Variants in LRTM1 observed in about 807,000 individuals in gnomAD.
LRTM1 encodes leucine rich repeat transmembrane protein 1, also known as leucine-rich repeat and transmembrane domain-containing protein 1.
A neutral mutation model predicts 32.4 loss-of-function variants in LRTM1; 38 were observed. The observed-to-expected ratio is 1.17, with a 90% CI of 0.91 to 1.54. The LOEUF is 1.54. Among genes scored for constraint, LRTM1 ranks in the 40% most tolerant of loss-of-function variants. LRTM1 has a pLI of 0.00. For synonymous variants in LRTM1, 186 were observed against 169.9 expected (o/e 1.09, Z -0.74); for missense variants, 466 against 415.4 (o/e 1.12, Z -1.06).
upstream of LRTM1, among the ~76,000 whole-genome samples, chr3:54,928,438 C>T (rs1222663627): frequency 6.6e-6 from 1 of 152,142 alleles, no homozygotes; most frequent in Non-Finnish European, 1.5e-5. Flanking sequence ...GGGACCCTCA[C>T]CTGGGGGTCG....
At chr3:54,957,969 G>A (rs1023199002) in intron 1 of LRTM1, among the ~76,000 whole-genome samples, 3 of 152,174 alleles carry the variant, frequency 2.0e-5, no homozygotes, top group Admixed American at 1.3e-4. Context: ...GATGGCAGAG[G>A]TAGATGTCTG....
intron 1 of LRTM1, among the ~76,000 whole-genome samples, chr3:54,938,829 C>G (rs1701390447): frequency 6.6e-6 from 1 of 152,138 alleles, no homozygotes; most frequent in African/African-American, 2.4e-5. Context: ...AAATATGATT[C>G]TAGAAAAGTC....
rs751620466 is a variant in LRTM1 at position 54,918,437 on chromosome 3, A to G, written c.*22T>C. The G allele has an allele frequency of 6.2e-7, 1 of 1,605,098 alleles. No individual in the cohort carries two copies. Among genetic ancestry groups the G allele is most frequent in the Non-Finnish European group, 8.5e-7 (1 of 1,176,356 alleles). On this transcript the variant is annotated 3_prime_UTR_variant, in exon 3 of 3. Coordinates refer to ENST00000273286, the MANE Select transcript of LRTM1 (RefSeq NM_020678.4). ...ACTATCTTCTGGCCTGCAATGACCAATCCTATTTGAGACAAAAGCTCTCAG... is the reference window on the plus strand; with the variant it reads ...ACTATCTTCTGGCCTGCAATGACCAGTCCTATTTGAGACAAAAGCTCTCAG...
At chr3:54,963,288 C>T (rs1559646843) in intron 1 of LRTM1, among the ~76,000 whole-genome samples, 1 of 151,978 alleles carries the variant, frequency 6.6e-6, no homozygotes, top group Admixed American at 6.5e-5. Flanking sequence ...GTAGTATGGA[C>T]GGGTTTGTGG....
intron 1 of LRTM1, among the ~76,000 whole-genome samples, chr3:54,953,663 G>T (rs77458792): frequency 0.046 from 6,969 of 152,298 alleles, 507 homozygotes; most frequent in African/African-American, 0.15. Flanking sequence ...CCCAGGAGCT[G>T]GGAAGGAGGT....
At chr3:54,929,152 C>G (rs959256555), upstream of LRTM1, among the ~76,000 whole-genome samples, 2 of 152,120 alleles carry the variant, frequency 1.3e-5, no homozygotes, top group Non-Finnish European at 2.9e-5. Context: ...TCCACCATCA[C>G]CAGCTGCGTG....
At chr3:54,948,974 G>C (rs1701686724) in intron 1 of LRTM1, among the ~76,000 whole-genome samples, 1 of 152,186 alleles carries the variant, frequency 6.6e-6, no homozygotes, top group Admixed American at 6.5e-5. Flanking sequence ...ACCAGCTTCA[G>C]GTACAGTTGG....
At chr3:54,933,045 ATCCC>A (rs1395976715), upstream of LRTM1, among the ~76,000 whole-genome samples, 6 of 137,258 alleles carry the variant, frequency 4.4e-5, no homozygotes, top group African/African-American at 1.0e-4. Flanking sequence ...CCATCCATCC[ATCCC>A]TCCCTTCCTT....
rs140847858 is a variant in LRTM1 at position 54,956,521 on chromosome 3, C to T, written c.-222+10407G>A. 3.2e-4 allele frequency among the ~76,000 whole-genome samples: 48 copies of T among 152,282 alleles called. 1 individual carries two copies. The East Asian group carries it at 7.9e-3, about 25-fold the overall frequency. The stretch of plus-strand genomic sequence containing the variant: ...TTAACGTTCTCAGTCTTTTCAAACT[C>T]GTTACCAACCTAGGATTTTGTGCAC... On this transcript the variant is annotated intron_variant, in intron 1 of 2. Coordinates refer to the LRTM1 transcript ENST00000493075.
intron 1 of LRTM1, among the ~76,000 whole-genome samples, chr3:54,965,295 A>T (rs887729752): frequency 6.6e-6 from 1 of 152,174 alleles, no homozygotes; most frequent in Non-Finnish European, 1.5e-5. Context: ...ATTTGACCTC[A>T]GCCTGAACAA....
rs1223402723 is a variant in LRTM1 at position 54,925,016 on chromosome 3, T to C, written c.207A>G (p.Ala69=). 1 of 1,614,128 alleles carries C rather than the reference T, an allele frequency of 6.2e-7. No individual in the cohort carries two copies. Among genetic ancestry groups the C allele is most frequent in the East Asian group, 2.2e-5 (1 of 44,876 alleles). Reference sequence around the variant, plus strand: ...TCATGAGCCATGGCACTGACCTAAATGCAAAAGCAGGAAGATGGTGTATCT... The same window carrying C: ...TCATGAGCCATGGCACTGACCTAAACGCAAAAGCAGGAAGATGGTGTATCT... The part of the protein sequence containing the change: ...DNQIHHLPAF[A]FRSVPWLMTL... Residue 69 remains alanine, a synonymous_variant, in exon 2 of 3, where the codon GCA becomes GCG. Transcript: ENST00000273286.
chr3:54,918,350 T>TG lies in LRTM1; in HGVS notation c.*108_*109insC. 7.0e-6 allele frequency: 3 copies of TG among 431,212 alleles called. No homozygotes were observed. The highest frequency in any genetic ancestry group is 1.1e-5 in the Non-Finnish European group (3 of 269,402). 26.7% of individuals were successfully genotyped at this position (431,212 alleles called of 1,614,324 possible). On this transcript the variant is annotated 3_prime_UTR_variant, in exon 3 of 3. Coordinates refer to ENST00000273286, the MANE Select transcript of LRTM1 (RefSeq NM_020678.4). The stretch of plus-strand genomic sequence containing the variant: ...TTTTTTTCTTTTTTTTTTTTTTTTT[T>TG]TTTTTGTCTTTTGGCAAAAGCAAAA...
In LRTM1 at chr3:54,926,977, C is replaced by T. The variant is rs554667218; in HGVS notation, c.7+928G>A. Among the ~76,000 whole-genome samples, 5 of 151,936 alleles carry T rather than the reference C, an allele frequency of 3.3e-5. No individual in the cohort carries two copies. In the East Asian group the frequency reaches 9.7e-4, roughly 29 times the overall value. ...AACACTCCCTTCTTTTTTTTTGAGA[C>T]TTGAATTTCAAAATATGACAAACAT... On this transcript the variant is annotated intron_variant, in intron 1 of 2. Coordinates refer to ENST00000273286, the MANE Select transcript of LRTM1 (RefSeq NM_020678.4).
Position 54,925,203 on chromosome 3 carries a change from A to C in LRTM1, c.20T>G (p.Leu7Arg). ...GAGCAGGACAATCACACTGGAAAAC[A>C]GGAGCAGTTCACCTACAACAAACAG... MKGELL[L>R]FSSVIVLLQV... Residue 7 changes from leucine to arginine, a missense_variant, in exon 2 of 3, where the codon CTG (leucine) becomes CGG (arginine). By Grantham distance (102) the Leu-to-Arg change is moderately radical. Transcript: ENST00000273286. 1 of 1,611,550 alleles carries C rather than the reference A, an allele frequency of 6.2e-7. No individual in the cohort carries two copies. The highest frequency in any genetic ancestry group is 8.5e-7 in the Non-Finnish European group (1 of 1,177,918).
At chr3:54,922,547 C>T (rs1457216705) in intron 2 of LRTM1, among the ~76,000 whole-genome samples, 1 of 152,086 alleles carries the variant, frequency 6.6e-6, no homozygotes, top group Non-Finnish European at 1.5e-5. Flanking sequence ...ATGTAATTTA[C>T]TATTACATTG....
intron 1 of LRTM1, among the ~76,000 whole-genome samples, chr3:54,950,175 G>A (rs562439644): frequency 6.6e-6 from 1 of 152,346 alleles, no homozygotes; most frequent in African/African-American, 2.4e-5. Flanking sequence ...TTTCCATACA[G>A]CCGAGGTAGC....
intron 1 of LRTM1, among the ~76,000 whole-genome samples, chr3:54,936,023 C>T (rs997975320): frequency 6.6e-5 from 10 of 152,054 alleles, no homozygotes; most frequent in South Asian, 2.1e-4. Context: ...TCAAAAATAC[C>T]GCCTCCAACA....
intron 1 of LRTM1, among the ~76,000 whole-genome samples, chr3:54,951,893 G>C (rs1038570778): frequency 3.9e-5 from 6 of 152,102 alleles, no homozygotes. Context: ...CCATTACCCA[G>C]GCTGGAGTGC....
At chr3:54,943,830 A>T (rs370799216) in intron 1 of LRTM1, among the ~76,000 whole-genome samples, 71 of 151,096 alleles carry the variant, frequency 4.7e-4, no homozygotes, top group African/African-American at 1.7e-3. Context: ...TCTCTTCCCT[A>T]TTTTTCTCTG....
Sources: gnomAD v4.1 joint callset for allele counts (sites outside exome capture counted in the v4.1 genomes callset) on GRCh38, gnomAD v4.1.1 for gene constraint, MANE v1.5 for transcripts, NCBI Gene and HGNC (gene_info 2026-07-23, HGNC 2026-07-21) for gene names.